MGAT4C: variants seen among roughly 807,000 people sequenced by gnomAD.
The protein encoded by MGAT4C is MGAT4 family member C, also known as alpha-1,3-mannosyl-glycoprotein 4-beta-N-acetylglucosaminyltransferase C.
In MGAT4C, 19 loss-of-function variants were observed where a neutral mutation model predicts 40.1. That is an observed-to-expected ratio of 0.47 (90% CI 0.33 to 0.70). The LOEUF (loss-of-function observed/expected upper bound fraction) is 0.70. Among genes scored for constraint, MGAT4C ranks in the 30% least tolerant of loss-of-function variants. The probability of loss-of-function intolerance (pLI) is 0.02; values close to 1 mark genes in which losing one functional copy is unlikely to be tolerated. For missense variants in MGAT4C, 491 were observed against 563.2 expected (o/e 0.87, Z 1.30); for synonymous variants, 181 against 187.1 (o/e 0.97, Z 0.27).
chr12:86,081,237 G>T (rs192353030), intron 1 of MGAT4C, among the ~76,000 whole-genome samples: 3 of 152,222 alleles, frequency 2.0e-5, no homozygotes, highest in Middle Eastern at 3.4e-3. Context: ...ATGCATCCTG[G>T]CACACTATAG....
intron 1 of MGAT4C, among the ~76,000 whole-genome samples, chr12:86,746,163 C>G (rs1224680586): frequency 6.6e-6 from 1 of 151,700 alleles, no homozygotes; most frequent in African/African-American, 2.4e-5. Context: ...CTATTCAAGG[C>G]AGAGCAAACA....
In MGAT4C at chr12:86,025,599, G is replaced by A. The variant is rs12317890; in HGVS notation, c.-7+24075C>T. Among the ~76,000 whole-genome samples the A allele has an allele frequency of 5.6e-3, 855 of 151,548 alleles. 9 individuals are homozygous for A. The highest frequency in any genetic ancestry group is 0.019 in the African/African-American group (806 of 41,398). On this transcript the variant is annotated intron_variant, in intron 2 of 4. Coordinates refer to ENST00000611864, the MANE Select transcript of MGAT4C (RefSeq NM_001351288.2). ...TTATAACATAAAGATAGGGAAAATA[G>A]GCTATTAATAAAAGCTATGAAGAAA...
chr12:86,140,201 T>C (rs920944574), intron 1 of MGAT4C, among the ~76,000 whole-genome samples: 4 of 152,198 alleles, frequency 2.6e-5, no homozygotes, highest in Admixed American at 2.0e-4. Flanking sequence ...TTAAATGTCA[T>C]TACAGCAAGG....
intron 1 of MGAT4C, among the ~76,000 whole-genome samples, chr12:86,742,521 T>C (rs1951083255): frequency 1.3e-5 from 2 of 151,460 alleles, no homozygotes; most frequent in Admixed American, 6.6e-5. Flanking sequence ...ATGCCTCAGT[T>C]TGCCATTTTT....
intron 2 of MGAT4C, among the ~76,000 whole-genome samples, chr12:86,045,318 T>A (rs1184205351): frequency 2.0e-5 from 3 of 152,184 alleles, no homozygotes; most frequent in African/African-American, 7.2e-5. Flanking sequence ...CTATTTATAT[T>A]GGGAAGGCTT....
rs533809562 is a variant in MGAT4C at position 86,059,840 on chromosome 12, C to A, written c.-56-10117G>T. Among the ~76,000 whole-genome samples, 4 of 152,210 alleles carry A rather than the reference C, an allele frequency of 2.6e-5. No homozygotes were observed. In the South Asian group the frequency reaches 8.3e-4, roughly 32 times the overall value. On this transcript the variant is annotated intron_variant, in intron 1 of 4. Transcript: ENST00000611864. ...AGCCCCTAACACAAGACTCTAACAC[C>A]GTGTAAGATAAGTTTTCAACCCCAC...
At chr12:86,138,712 A>C (rs1418724953) in intron 1 of MGAT4C, among the ~76,000 whole-genome samples, 2 of 149,956 alleles carry the variant, frequency 1.3e-5, no homozygotes, top group Non-Finnish European at 3.0e-5. Flanking sequence ...ATATATATAT[A>C]AAATACAAAT....
At chr12:86,181,542 A>G (rs946912400) in intron 1 of MGAT4C, among the ~76,000 whole-genome samples, 2 of 152,192 alleles carry the variant, frequency 1.3e-5, no homozygotes, top group African/African-American at 4.8e-5. Context: ...AATCTTTGAA[A>G]TGATGAATGC....
chr12:86,341,353 G>A (rs902728227), intron 3 of MGAT4C, among the ~76,000 whole-genome samples: 1 of 152,194 alleles, frequency 6.6e-6, no homozygotes. Context: ...GAGCTACATG[G>A]AGTCTCAGCA....
intron 2 of MGAT4C, among the ~76,000 whole-genome samples, chr12:86,679,241 T>C (rs1949933078): frequency 6.6e-6 from 1 of 152,166 alleles, no homozygotes; most frequent in Admixed American, 6.6e-5. Flanking sequence ...TTGAGAAGTG[T>C]CTGTTCATAT....
At chr12:86,119,435 T>G (rs1466353555) in intron 1 of MGAT4C, among the ~76,000 whole-genome samples, 2 of 152,156 alleles carry the variant, frequency 1.3e-5, no homozygotes, top group Non-Finnish European at 2.9e-5. Context: ...TTTTTTTTCT[T>G]TTTTTCTTGA....
intron 4 of MGAT4C, among the ~76,000 whole-genome samples, chr12:86,276,788 C>T (rs1468016436): frequency 1.3e-5 from 2 of 152,150 alleles, no homozygotes; most frequent in Non-Finnish European, 2.9e-5. Flanking sequence ...TGGCTAAATG[C>T]TACTCCATTG....
intron 1 of MGAT4C, among the ~76,000 whole-genome samples, chr12:86,093,546 T>C (rs1022299188): frequency 6.6e-6 from 1 of 152,022 alleles, no homozygotes; most frequent in Non-Finnish European, 1.5e-5. Flanking sequence ...CTGGCCAACA[T>C]GGTGAAACCC....
At chr12:86,180,036 G>T (rs1211949106) in intron 1 of MGAT4C, among the ~76,000 whole-genome samples, 3 of 152,180 alleles carry the variant, frequency 2.0e-5, no homozygotes, top group African/African-American at 4.8e-5. Flanking sequence ...AGTTTTGTGG[G>T]CCAGGCCAGG....
rs147998015 is a variant in MGAT4C at position 85,980,082 on chromosome 12, T to G, written c.644A>C (p.Asn215Thr). 1 of 1,613,826 alleles carries G rather than the reference T, an allele frequency of 6.2e-7. No homozygotes were observed. Among genetic ancestry groups the G allele is most frequent in the Non-Finnish European group, 8.5e-7 (1 of 1,179,852 alleles). Residue 215 changes from asparagine to threonine, a missense_variant, in exon 5 of 5, where the codon AAT becomes ACT. Asn to Thr is a moderately conservative substitution (Grantham distance 65, BLOSUM62 0). Transcript: ENST00000611864. ...AAGCATTACATAATAGTCTGAAGTA[T>G]TGGCACAAAAATTAAGCAGAAAAGC... ...DYAFLLNFCA[N>T]TSDYYVMLED...
At chr12:86,070,297 G>A (rs914789374) in intron 1 of MGAT4C, among the ~76,000 whole-genome samples, 2 of 151,844 alleles carry the variant, frequency 1.3e-5, no homozygotes, top group African/African-American at 4.8e-5. Context: ...CTTTTAATAT[G>A]CCATATGATT....
intron 1 of MGAT4C, among the ~76,000 whole-genome samples, chr12:86,054,979 T>C (rs73380037): frequency 0.019 from 2,844 of 152,160 alleles, 94 homozygotes; most frequent in African/African-American, 0.064. Context: ...ATTTCAATTT[T>C]TAATGAAATA....
At chr12:86,145,206 C>A (rs1337109490) in intron 1 of MGAT4C, among the ~76,000 whole-genome samples, 13 of 152,090 alleles carry the variant, frequency 8.5e-5, no homozygotes, top group African/African-American at 2.7e-4. Flanking sequence ...CCTGACTAAC[C>A]ATTAGTAGAT....
intron 3 of MGAT4C, among the ~76,000 whole-genome samples, chr12:86,359,095 A>C (rs920876641): frequency 6.6e-6 from 1 of 152,220 alleles, no homozygotes; most frequent in African/African-American, 2.4e-5. Flanking sequence ...CTCCTCAGTA[A>C]ATGTAAAAGA....
Sources: allele counts gnomAD v4.1 joint callset (sites outside exome capture counted in the v4.1 genomes callset), GRCh38; gene constraint gnomAD v4.1.1; transcripts MANE v1.5; gene names NCBI Gene and HGNC (gene_info 2026-07-23, HGNC 2026-07-21).